UTP14C: variants seen among roughly 807,000 people sequenced by gnomAD.
UTP14C encodes the protein UTP14C small subunit processome component.
In UTP14C, 10 loss-of-function variants were observed where a neutral mutation model predicts 14.6. The observed-to-expected ratio is 0.68, with a 90% CI of 0.42 to 1.16. The LOEUF (loss-of-function observed/expected upper bound fraction) is 1.16, where lower values mean the gene tolerates loss of function less well. Among genes scored for constraint, UTP14C ranks in the 50% most tolerant of loss-of-function variants. The pLI is 0.00. For missense variants in UTP14C, 818 were observed against 890.8 expected, an observed-to-expected ratio of 0.92 and a Z score of 1.04; for synonymous variants, 315 against 331.6, an observed-to-expected ratio of 0.95 and a Z score of 0.54.
rs1480384043 is a variant in UTP14C at position 52,033,121 on chromosome 13, A to T, written c.*2016A>T. 6.0e-6 allele frequency: 1 copy of T among 167,084 alleles called. No homozygotes were observed. Among genetic ancestry groups the T allele is most frequent in the East Asian group, 1.9e-4 (1 of 5,208 alleles). The allele number at this position is 167,084 out of a possible 1,614,324, so 10.4% of individuals were successfully genotyped here. On this transcript the variant is annotated 3_prime_UTR_variant, in exon 2 of 2. Transcript: ENST00000521776. Reference sequence around the variant, plus strand: ...ATAATTTGCATATATGTTCATTATCAGTGTTCCTAATTTGGTATTACATGT... The same window carrying T: ...ATAATTTGCATATATGTTCATTATCTGTGTTCCTAATTTGGTATTACATGT...
Position 52,028,902 on chromosome 13 carries a change from A to AG in UTP14C, c.103dup (p.Asp35GlyfsTer3). ...TACCCCTTGAGTGAAAATGAAGATGAGGGGGACAGTGATGGAGAGAGAAAG... is the reference window on the plus strand; with the variant it reads ...TACCCCTTGAGTGAAAATGAAGATGAGGGGGGACAGTGATGGAGAGAGAAAG... On this transcript the variant is annotated frameshift_variant, in exon 2 of 2. Coordinates refer to ENST00000521776, the MANE Select transcript of UTP14C (RefSeq NM_021645.6). LOFTEE classifies it low-confidence loss of function (END_TRUNC). 1 of 1,614,226 alleles carries AG rather than the reference A, an allele frequency of 6.2e-7. No individual in the cohort carries two copies. Among genetic ancestry groups the AG allele is most frequent in the Non-Finnish European group, 8.5e-7 (1 of 1,180,044 alleles).
chr13:52,029,861 G>A lies in UTP14C; in HGVS notation c.1057G>A (p.Glu353Lys). Residue 353 changes from glutamate to lysine, a missense_variant, in exon 2 of 2, where the codon GAA becomes AAA. Glu to Lys is a moderately conservative substitution (Grantham distance 56). Coordinates refer to ENST00000521776, the MANE Select transcript of UTP14C (RefSeq NM_021645.6). The part of the protein sequence containing the change: ...EEEEGGTEVE[E>K]LLVPHVANEV... ...AGAGGAGGGAGGCACAGAAGTGGAA[G>A]AACTCCTTGTCCCTCATGTAGCGAA... is the stretch of plus-strand genomic sequence containing the variant. 1 of 1,614,218 alleles carries A rather than the reference G, an allele frequency of 6.2e-7. No homozygotes were observed. Among genetic ancestry groups the A allele is most frequent in the Non-Finnish European group, 8.5e-7 (1 of 1,180,040 alleles).
Position 52,029,507 on chromosome 13 carries a change from T to C in UTP14C, c.703T>C (p.Tyr235His), listed in dbSNP as rs949377542. 2.5e-6 allele frequency: 4 copies of C among 1,614,042 alleles called. No homozygotes were observed. In the African/African-American group the frequency reaches 5.3e-5, roughly 22 times the overall value. ...TCAGAGGGCTCGGGCTCTGCAGTCC[T>C]ACTATGAGGCCAAGGCTCGAAAAGA... ...ELQRARALQS[Y>H]YEAKARKEKK... is the part of the protein sequence containing the mutation. Residue 235 changes from tyrosine (Y) to histidine (H), a missense_variant, in exon 2 of 2, where the codon TAC becomes CAC. Transcript: ENST00000521776.
Position 52,029,144 on chromosome 13 carries a change from G to T in UTP14C, c.340G>T (p.Val114Leu), listed in dbSNP as rs758269841. The T allele has an allele frequency of 6.2e-7, 1 of 1,614,206 alleles. No homozygotes were observed. Among genetic ancestry groups the T allele is most frequent in the South Asian group, 1.1e-5 (1 of 91,088 alleles). ...KQLNRVKSKK[V>L]VELPLNKEKI... ...ACTGAATAGAGTCAAATCAAAGAAG[G>T]TGGTGGAGTTACCTCTTAACAAAGA... The change falls in exon 2 of 2, where the codon GTG (valine) becomes TTG (leucine). Residue 114 changes from valine to leucine, a missense_variant. Physicochemically the swap from Val to Leu is conservative, Grantham distance 32 (BLOSUM62 1). Transcript: ENST00000521776.
chr13:52,025,288 A>T (rs1174422856), intron 1 of UTP14C, among the ~76,000 whole-genome samples: 1 of 152,242 alleles, frequency 6.6e-6, no homozygotes. Flanking sequence ...TTACACAGTA[A>T]GTGGTAGAGC....
Position 52,029,657 on chromosome 13 carries a change from A to C in UTP14C, c.853A>C (p.Ile285Leu). Residue 285 changes from isoleucine to leucine, a missense_variant, in exon 2 of 2, where the codon ATT (isoleucine) becomes CTT (leucine). Transcript: ENST00000521776. The part of the protein sequence containing the change: ...PTVALEEMEK[I>L]ENARMMERMS... ...TGTGGCACTGGAAGAAATGGAAAAA[A>C]TTGAAAATGCCAGAATGATGGAAAG... The C allele has an allele frequency of 6.2e-7, 1 of 1,614,240 alleles. No homozygotes were observed. The highest frequency in any genetic ancestry group is 1.1e-5 in the South Asian group (1 of 91,084).
chr13:52,024,965 T>C (rs371822794), intron 1 of UTP14C, 28 bp downstream of exon 1: 2 of 1,587,076 alleles, frequency 1.3e-6, no homozygotes, highest in African/African-American at 2.7e-5. Flanking sequence ...ACAACTTGTT[T>C]GGTGCCATGA....
Position 52,024,710 on chromosome 13 carries a change from A to C in UTP14C, c.-714A>C. ...ATCAGAGCCTTTGCTAAATTGCTGA[A>C]TAAGAAGATGGTTGAGTCACCTCCT... On this transcript the variant is annotated 5_prime_UTR_variant, in exon 1 of 2. Transcript: ENST00000521776. The C allele has an allele frequency of 6.2e-7, 1 of 1,614,250 alleles. No homozygotes were observed. The highest frequency in any genetic ancestry group is 8.5e-7 in the Non-Finnish European group (1 of 1,180,030).
chr13:52,033,185 A>G lies in UTP14C; in HGVS notation c.*2080A>G, dbSNP rs183356568. ...CTGAATGATAGCATGAAAAGTGTCAAAGTGGTTTGTCCGCTAGCGTCTGTC... is the reference window on the plus strand; with the variant it reads ...CTGAATGATAGCATGAAAAGTGTCAGAGTGGTTTGTCCGCTAGCGTCTGTC... On this transcript the variant is annotated 3_prime_UTR_variant, in exon 2 of 2. Coordinates refer to ENST00000521776, the MANE Select transcript of UTP14C (RefSeq NM_021645.6). 3.2e-3 allele frequency: 536 copies of G among 167,156 alleles called. 4 individuals are homozygous for G. The highest frequency in any genetic ancestry group is 5.5e-3 in the Non-Finnish European group (373 of 68,090). 10.4% of individuals were successfully genotyped at this position (167,156 alleles called of 1,614,324 possible).
rs1349288845 is a variant in UTP14C at position 52,029,804 on chromosome 13, C to G, written c.1000C>G (p.Gln334Glu). Reference sequence around the variant, plus strand: ...GTTGGCCAAGAACAAAGAACTGACACAGAAACTCCAGGTAGCCTCTGAGAG... The same window carrying G: ...GTTGGCCAAGAACAAAGAACTGACAGAGAAACTCCAGGTAGCCTCTGAGAG... ...EQLAKNKELT[Q>E]KLQVASESEE... Residue 334 changes from glutamine to glutamate, a missense_variant, in exon 2 of 2, where the codon CAG (glutamine) becomes GAG (glutamate). Gln to Glu is a conservative substitution (Grantham distance 29). Transcript: ENST00000521776. 17 of 1,614,058 alleles carry G rather than the reference C, an allele frequency of 1.1e-5. No individual in the cohort carries two copies. The highest frequency in any genetic ancestry group is 1.4e-5 in the Non-Finnish European group (16 of 1,180,046).
At position 52,024,917 on chromosome 13, in the gene UTP14C, G is replaced by A. The variant is rs373654339; in HGVS notation, c.-507G>A. On this transcript the variant is annotated 5_prime_UTR_variant, in exon 1 of 2. It introduces an in-frame stop codon into an upstream open reading frame of the 5' UTR. Transcript: ENST00000521776. ...GCAACAATTGGTCTGCATACCATGTGGAACGAGCATTTTGGGATTGGTGAG... is the reference window on the plus strand; with the variant it reads ...GCAACAATTGGTCTGCATACCATGTAGAACGAGCATTTTGGGATTGGTGAG... 1 of 1,610,496 alleles carries A rather than the reference G, an allele frequency of 6.2e-7. No individual in the cohort carries two copies. The highest frequency in any genetic ancestry group is 1.3e-5 in the African/African-American group (1 of 74,944).
At position 52,029,196 on chromosome 13, in the gene UTP14C, T is replaced by G; in HGVS notation, c.392T>G (p.Val131Gly). The change falls in exon 2 of 2, where the codon GTA becomes GGA. Residue 131 changes from valine (V) to glycine (G), a missense_variant. Coordinates refer to ENST00000521776, the MANE Select transcript of UTP14C (RefSeq NM_021645.6). The part of the protein sequence containing the change: ...KEKIEQIHRE[V>G]AFSKTSQVLS... ...AAAATTGAACAGATCCACAGAGAAG[T>G]AGCATTCAGTAAAACCTCACAGGTC... 1 of 1,614,036 alleles carries G rather than the reference T, an allele frequency of 6.2e-7. No individual in the cohort carries two copies. Among genetic ancestry groups the G allele is most frequent in the Non-Finnish European group, 8.5e-7 (1 of 1,180,018 alleles).
rs1405857257 is a variant in UTP14C, at chr13:52,031,175, A to G, written c.*70A>G. The G allele has an allele frequency of 2.0e-6, 3 of 1,526,102 alleles. No individual in the cohort carries two copies. The highest frequency in any genetic ancestry group is 8.8e-7 in the Non-Finnish European group (1 of 1,139,076). The allele number at this position is 1,526,102 out of a possible 1,614,324, so 94.5% of individuals were successfully genotyped here. A position where few individuals can be genotyped will look rare whatever the true frequency, so the allele number is the denominator to read the frequency against. On this transcript the variant is annotated 3_prime_UTR_variant, in exon 2 of 2. Transcript: ENST00000521776. ...TCCTTTGGTCCAGTTTTACTCTGCT[A>G]CAGGGTGGATTCCAAAACTGGCTCA...
Position 52,026,142 on chromosome 13 carries a change from C to T in UTP14C, c.-487+1205C>T, listed in dbSNP as rs147547200. ...AAGGAAGTGCAGGGTGATGTGAAAG[C>T]GCCAAAGAGAAACCTAACACAGACT... is the stretch of plus-strand genomic sequence containing the variant. On this transcript the variant is annotated intron_variant, in intron 1 of 1. Transcript: ENST00000521776. Among the ~76,000 whole-genome samples, 1,101 of 152,256 alleles carry T rather than the reference C, an allele frequency of 7.2e-3. 19 individuals carry two copies. Among genetic ancestry groups the T allele is most frequent in the African/African-American group, 0.026 (1,062 of 41,548 alleles).
At chr13:52,027,378 C>G (rs1334872485) in intron 1 of UTP14C, among the ~76,000 whole-genome samples, 1 of 152,192 alleles carries the variant, frequency 6.6e-6, no homozygotes, top group East Asian at 1.9e-4. Context: ...AGATGCAGGT[C>G]TCTGAGAAAG....
In UTP14C at chr13:52,029,102, G is replaced by T. The variant is rs1033415754; in HGVS notation, c.298G>T (p.Ala100Ser). 6.2e-7 allele frequency: 1 copy of T among 1,614,178 alleles called. No homozygotes were observed. Among genetic ancestry groups the T allele is most frequent in the African/African-American group, 1.3e-5 (1 of 75,044 alleles). ...GCCCGTTAAAACTTCATCTTCTTTG[G>T]CCACTGTAAAAAAGCAACTGAATAG... ...LEPVKTSSSLATVKKQLNRVK... is the reference protein window; with the variant it reads ...LEPVKTSSSLSTVKKQLNRVK... Residue 100 changes from alanine (A) to serine (S), a missense_variant, in exon 2 of 2, where the codon GCC (alanine) becomes TCC (serine). Coordinates refer to ENST00000521776, the MANE Select transcript of UTP14C (RefSeq NM_021645.6).
chr13:52,025,057 C>A, intron 1 of UTP14C, 120 bp downstream of exon 1: 1 of 1,139,658 alleles, frequency 8.8e-7, no homozygotes, highest in East Asian at 2.4e-5. Flanking sequence ...CCCTCATCCA[C>A]CAAATGTGCT....
Position 52,024,721 on chromosome 13 carries a change from G to T in UTP14C, c.-703G>T, listed in dbSNP as rs750430228. The T allele has an allele frequency of 1.6e-5, 26 of 1,614,224 alleles. No individual in the cohort carries two copies. The highest frequency in any genetic ancestry group is 2.1e-5 in the Non-Finnish European group (25 of 1,180,038). On this transcript the variant is annotated 5_prime_UTR_variant, in exon 1 of 2. Transcript: ENST00000521776. ...TGCTAAATTGCTGAATAAGAAGATG[G>T]TTGAGTCACCTCCTTCGCTTAAACT...
At chr13:52,028,177 T>G in intron 1 of UTP14C, 142 bp from the exon 2 acceptor site, 1 of 938,920 alleles carries the variant, frequency 1.1e-6, no homozygotes. Flanking sequence ...ACTGTAGAAG[T>G]TGAATAAGCA....
Sources: allele counts gnomAD v4.1 joint callset (sites outside exome capture counted in the v4.1 genomes callset), GRCh38; gene constraint gnomAD v4.1.1; transcripts MANE v1.5; gene names NCBI Gene and HGNC (gene_info 2026-07-23, HGNC 2026-07-21).